The following CBLB variants were observed in gnomAD, a reference collection of about 807,000 sequenced individuals.
CBLB encodes the protein Cbl proto-oncogene B.
Under a neutral mutation model 104.9 loss-of-function variants are expected in CBLB, and 31 were observed. The observed-to-expected ratio is 0.30, with a 90% CI of 0.22 to 0.40. The LOEUF (loss-of-function observed/expected upper bound fraction) is 0.40, where lower values mean the gene tolerates loss of function less well. Among genes scored for constraint, CBLB ranks in the 10% least tolerant of loss-of-function variants. The probability of loss-of-function intolerance (pLI) is 1.00; values close to 1 mark genes in which losing one functional copy is unlikely to be tolerated. For missense variants in CBLB, 1,062 were observed against 1,214.6 expected, an observed-to-expected ratio of 0.87 and a Z score of 1.87; for synonymous variants, 440 against 422.6, an observed-to-expected ratio of 1.04 and a Z score of -0.51.
intron 2 of CBLB, among the ~76,000 whole-genome samples, chr3:105,863,756 A>G (rs142564692): frequency 5.1e-4 from 78 of 152,320 alleles, no homozygotes; most frequent in Non-Finnish European, 7.4e-5. Context: ...ATCACTTCCT[A>G]AATGCTTTTT....
chr3:105,769,179 G>T (rs956892174), intron 4 of CBLB, among the ~76,000 whole-genome samples: 1 of 152,066 alleles, frequency 6.6e-6, no homozygotes, highest in East Asian at 1.9e-4. Flanking sequence ...ATTGCCGGGC[G>T]TGGTGGTGCA....
At position 105,723,289 on chromosome 3, in the gene CBLB, G is replaced by T. The variant is rs189500707; in HGVS notation, c.1204-3039C>A. On this transcript the variant is annotated intron_variant, in intron 9 of 18. Transcript: ENST00000394030. The stretch of plus-strand genomic sequence containing the variant: ...TACTTAATGCAAGATCAAATAATAT[G>T]CATTAATGGAGAATAAAGACCAATA... Among the ~76,000 whole-genome samples the T allele has an allele frequency of 2.0e-5, 3 of 152,208 alleles. No individual in the cohort carries two copies. In the East Asian group the frequency reaches 5.8e-4, roughly 29 times the overall value.
At chr3:105,711,237 A>C (rs538529126) in intron 10 of CBLB, among the ~76,000 whole-genome samples, 1 of 152,032 alleles carries the variant, frequency 6.6e-6, no homozygotes, top group Non-Finnish European at 1.5e-5. Context: ...ATGAATTTCC[A>C]TATCTGAAAA....
chr3:105,776,852 T>A (rs1002090722), intron 3 of CBLB, among the ~76,000 whole-genome samples: 18 of 151,908 alleles, frequency 1.2e-4, no homozygotes, highest in African/African-American at 4.4e-4. Context: ...ACTTAAAAAA[T>A]TAATAATCAA....
intron 3 of CBLB, among the ~76,000 whole-genome samples, chr3:105,794,821 C>T (rs1040536199): frequency 6.6e-6 from 1 of 152,048 alleles, no homozygotes; most frequent in Non-Finnish European, 1.5e-5. Flanking sequence ...TATATACATA[C>T]CCAACAACCC....
chr3:105,759,536 G>A (rs762427283), intron 4 of CBLB, among the ~76,000 whole-genome samples: 54 of 152,178 alleles, frequency 3.5e-4, no homozygotes, highest in Non-Finnish European at 4.9e-4. Flanking sequence ...GCCCAACCCC[G>A]TCGGCCTCCC....
intron 9 of CBLB, among the ~76,000 whole-genome samples, chr3:105,723,675 G>T (rs749164124): frequency 3.3e-5 from 5 of 151,950 alleles, no homozygotes; most frequent in Non-Finnish European, 5.9e-5. Flanking sequence ...AAACCCAAAT[G>T]AATATTGTTA....
At chr3:105,698,838 C>T (rs866487049) in intron 12 of CBLB, among the ~76,000 whole-genome samples, 13 of 151,966 alleles carry the variant, frequency 8.6e-5, no homozygotes, top group African/African-American at 4.8e-5. Context: ...TCTCTTCACC[C>T]GCTCTCCTTT....
intron 9 of CBLB, among the ~76,000 whole-genome samples, chr3:105,722,005 C>T (rs887883814): frequency 6.6e-6 from 1 of 151,634 alleles, no homozygotes; most frequent in African/African-American, 2.4e-5. Flanking sequence ...CCAGCCTGGG[C>T]AACATAGCAA....
rs187989811 is a variant in CBLB, at chr3:105,734,210, T to A, written c.1072-70A>T. On this transcript the variant is annotated intron_variant, in intron 8 of 18. Transcript: ENST00000394030. ...AGCACAAATTGTTAGTATCAAATTT[T>A]CCCAAATAAAATGACGCACAGTCAA... 489 of 1,525,784 alleles carry A rather than the reference T, an allele frequency of 3.2e-4. 2 individuals carry two copies. The African/African-American group carries it at 6.1e-3, about 19-fold the overall frequency. 94.5% of individuals were successfully genotyped at this position (1,525,784 alleles called of 1,614,324 possible). A position where few individuals can be genotyped will look rare whatever the true frequency, so the allele number is the denominator to read the frequency against.
chr3:105,710,169 A>C (rs967156420), intron 10 of CBLB, among the ~76,000 whole-genome samples: 2 of 151,886 alleles, frequency 1.3e-5, no homozygotes, highest in East Asian at 3.9e-4. Flanking sequence ...TCTGCAGTTA[A>C]ATTTTTCTGA....
chr3:105,827,456 A>G (rs1481667257), intron 3 of CBLB, among the ~76,000 whole-genome samples: 1 of 151,876 alleles, frequency 6.6e-6, no homozygotes, highest in Middle Eastern at 3.4e-3. Context: ...AAACTCATAA[A>G]CTCCCCAAGC....
intron 6 of CBLB, among the ~76,000 whole-genome samples, chr3:105,740,916 T>C (rs2075461109): frequency 6.6e-6 from 1 of 152,088 alleles, no homozygotes; most frequent in African/African-American, 2.4e-5. Context: ...ATCATCAGGA[T>C]GCGGTGTATG....
intron 9 of CBLB, among the ~76,000 whole-genome samples, chr3:105,732,840 T>C (rs139733051): frequency 1.3e-5 from 2 of 152,202 alleles, no homozygotes; most frequent in East Asian, 3.9e-4. Flanking sequence ...GGCTTAGAAA[T>C]AGGGTAGGAA....
intron 3 of CBLB, among the ~76,000 whole-genome samples, chr3:105,852,261 G>GA (rs2091033618): frequency 6.6e-6 from 1 of 152,024 alleles, no homozygotes; most frequent in Admixed American, 6.6e-5. Flanking sequence ...AAGCCAATCT[G>GA]AAAAAGTTAC....
At chr3:105,727,685 T>C (rs557053244) in intron 9 of CBLB, among the ~76,000 whole-genome samples, 2 of 152,338 alleles carry the variant, frequency 1.3e-5, no homozygotes, top group Admixed American at 1.3e-4. Flanking sequence ...TGTCTTACAT[T>C]TAAGTCTTTA....
chr3:105,725,193 G>C (rs911337506), intron 9 of CBLB, among the ~76,000 whole-genome samples: 1 of 152,112 alleles, frequency 6.6e-6, no homozygotes, highest in African/African-American at 2.4e-5. Context: ...TTAACAGGAA[G>C]ACATAAAATG....
chr3:105,765,720 T>C (rs192477843), intron 4 of CBLB, among the ~76,000 whole-genome samples: 79 of 152,284 alleles, frequency 5.2e-4, no homozygotes, highest in Admixed American at 1.0e-3. Flanking sequence ...ACTGTTGAGA[T>C]ATGCTGTGTA....
At position 105,697,876 on chromosome 3, in the gene CBLB, A is replaced by G. The variant is rs548866399; in HGVS notation, c.1959+4218T>C. On this transcript the variant is annotated intron_variant, in intron 12 of 18. Coordinates refer to ENST00000394030, the MANE Select transcript of CBLB (RefSeq NM_170662.5). ...TTGGGTATAATGTTAATATCTAGAAATAAGTAGATACATTGCAAGTTTTTA... is the reference window on the plus strand; with the variant it reads ...TTGGGTATAATGTTAATATCTAGAAGTAAGTAGATACATTGCAAGTTTTTA... Among the ~76,000 whole-genome samples, 4 of 152,192 alleles carry G rather than the reference A, an allele frequency of 2.6e-5. No homozygotes were observed. In the East Asian group the frequency reaches 7.7e-4, roughly 29 times the overall value.
Sources: allele counts gnomAD v4.1 joint callset (sites outside exome capture counted in the v4.1 genomes callset), GRCh38; gene constraint gnomAD v4.1.1; transcripts MANE v1.5; gene names NCBI Gene and HGNC (gene_info 2026-07-23, HGNC 2026-07-21).